PTPN13: variants seen among roughly 807,000 people sequenced by gnomAD.
The protein encoded by PTPN13 is protein tyrosine phosphatase non-receptor type 13, also known as tyrosine-protein phosphatase non-receptor type 13.
A neutral mutation model predicts 284.0 loss-of-function variants in PTPN13; 191 were observed. That is an observed-to-expected ratio of 0.67 (90% CI 0.60 to 0.76). PTPN13 has a LOEUF of 0.76. Ranked by LOEUF, PTPN13 falls within the 30% of genes least tolerant of loss-of-function variation. PTPN13 has a pLI of 0.00. For missense variants in PTPN13, 2,797 were observed against 2,939.9 expected (o/e 0.95, Z 1.12); for synonymous variants, 986 against 1,022.3 (o/e 0.96, Z 0.68).
intron 5 of PTPN13, among the ~76,000 whole-genome samples, chr4:86,692,772 G>A (rs144188483): frequency 7.9e-5 from 12 of 152,150 alleles, no homozygotes; most frequent in Admixed American, 3.3e-4. Flanking sequence ...CCCTCAGAGC[G>A]TCCATTTAAA....
At chr4:86,718,325 ACT>A (rs1462639163) in intron 9 of PTPN13, among the ~76,000 whole-genome samples, 1 of 152,170 alleles carries the variant, frequency 6.6e-6, no homozygotes, top group Non-Finnish European at 1.5e-5. Flanking sequence ...TCTGCCAGAC[ACT>A]GTTTCACACC....
chr4:86,791,590 T>C (rs10024631), intron 40 of PTPN13, among the ~76,000 whole-genome samples: 15,123 of 152,152 alleles, frequency 0.099, 865 homozygotes, highest in Non-Finnish European at 0.11. Context: ...CTGGGAGACA[T>C]CTCCCAGGAG....
intron 6 of PTPN13, among the ~76,000 whole-genome samples, chr4:86,695,322 A>G (rs1227727753): frequency 6.6e-6 from 1 of 152,038 alleles, no homozygotes; most frequent in East Asian, 1.9e-4. Context: ...TTTCTTGCAA[A>G]TATTTCCTTC....
chr4:86,638,775 G>T (rs943462898), intron 2 of PTPN13, among the ~76,000 whole-genome samples: 1 of 152,068 alleles, frequency 6.6e-6, no homozygotes, highest in African/African-American at 2.4e-5. Flanking sequence ...CATGGGCAAG[G>T]ACTTCATGTC....
intron 6 of PTPN13, among the ~76,000 whole-genome samples, chr4:86,699,057 A>G (rs1289654921): frequency 1.3e-5 from 2 of 152,130 alleles, no homozygotes; most frequent in Admixed American, 1.3e-4. Flanking sequence ...TTGGCCTTCA[A>G]CTGGCAGGAA....
At chr4:86,762,599 A>G (rs2149248052) in intron 23 of PTPN13, 128 bp from the exon 24 acceptor site, 1 of 725,202 alleles carries the variant, frequency 1.4e-6, no homozygotes, top group Non-Finnish European at 2.3e-6. Flanking sequence ...TACCAAACAC[A>G]TGACCTAATG....
intron 42 of PTPN13, among the ~76,000 whole-genome samples, chr4:86,801,631 T>C (rs1438779096): frequency 6.6e-6 from 1 of 152,214 alleles, no homozygotes; most frequent in Non-Finnish European, 1.5e-5. Context: ...TCTCTACTAG[T>C]GCCAGGGTGA....
intron 2 of PTPN13, among the ~76,000 whole-genome samples, chr4:86,663,669 A>G (rs1330024415): frequency 2.0e-5 from 3 of 152,336 alleles, no homozygotes; most frequent in South Asian, 4.1e-4. Context: ...TGTCAGTGGC[A>G]GTCTCAAATT....
chr4:86,742,213 T>C (rs1736242575), intron 16 of PTPN13, among the ~76,000 whole-genome samples: 1 of 152,188 alleles, frequency 6.6e-6, no homozygotes, highest in Non-Finnish European at 1.5e-5. Flanking sequence ...AACCCCCTCG[T>C]AGCAACTGTT....
chr4:86,730,619 C>T lies in PTPN13; in HGVS notation c.1609-1781C>T, dbSNP rs572565233. The stretch of plus-strand genomic sequence containing the variant: ...GGTGTGGGACCTGCTGAGCCAGGAA[C>T]GGGAGAAAATCTGGTCTGCCACTTG... On this transcript the variant is annotated intron_variant, in intron 10 of 47. Coordinates refer to ENST00000411767, the MANE Select transcript of PTPN13 (RefSeq NM_080683.3). 4.7e-5 allele frequency among the ~76,000 whole-genome samples: 7 copies of T among 149,896 alleles called. 1 individual carries two copies. Among genetic ancestry groups the T allele is most frequent in the African/African-American group, 1.2e-4 (5 of 41,196 alleles).
Position 86,701,322 on chromosome 4 carries a change from A to T in PTPN13, c.716A>T (p.Lys239Ile). ...ACCTTTCTTAACAAAGGGCTTAGTA[A>T]ATCTATGGGATTTCTGTCCATCAAA... is the stretch of plus-strand genomic sequence containing the variant. ...HQTFLNKGLS[K>I]SMGFLSIKDT... The change falls in exon 7 of 48, where the codon AAA becomes ATA. Residue 239 changes from lysine to isoleucine, a missense_variant. Transcript: ENST00000411767. The T allele has an allele frequency of 6.2e-7, 1 of 1,612,742 alleles. No homozygotes were observed. Among genetic ancestry groups the T allele is most frequent in the Non-Finnish European group, 8.5e-7 (1 of 1,179,090 alleles).
At chr4:86,767,315 G>A (rs1268450154) in intron 27 of PTPN13, among the ~76,000 whole-genome samples, 1 of 150,592 alleles carries the variant, frequency 6.6e-6, no homozygotes, top group African/African-American at 2.5e-5. Context: ...GCATGACCTC[G>A]GCTCATTGCA....
intron 10 of PTPN13, among the ~76,000 whole-genome samples, chr4:86,730,099 T>C (rs1734763170): frequency 6.7e-6 from 1 of 149,746 alleles, no homozygotes; most frequent in African/African-American, 2.4e-5. Context: ...TGCAGGTCTG[T>C]TGGAGTTTGC....
chr4:86,772,007 C>T (rs552800961), intron 31 of PTPN13, among the ~76,000 whole-genome samples: 1 of 152,290 alleles, frequency 6.6e-6, no homozygotes, highest in South Asian at 2.1e-4. Flanking sequence ...ATTATTCATA[C>T]ATTTTACTCT....
chr4:86,711,939 T>C (rs547489145), intron 7 of PTPN13, among the ~76,000 whole-genome samples: 4 of 152,260 alleles, frequency 2.6e-5, no homozygotes, highest in African/African-American at 9.6e-5. Context: ...TTCAGAAAAC[T>C]TTGTAATATT....
rs1737332534 is a variant in PTPN13 at position 86,751,083 on chromosome 4, A to C, written c.3125A>C (p.Asp1042Ala). Residue 1042 changes from aspartate (D) to alanine (A), a missense_variant, in exon 19 of 48, where the codon GAC becomes GCC. Coordinates refer to ENST00000411767, the MANE Select transcript of PTPN13 (RefSeq NM_080683.3). Reference sequence around the variant, plus strand: ...CCTGAAAGGAGGAAACATGAATCAGACTCCTCATCCATTGAAGACCCTGGG... The same window carrying C: ...CCTGAAAGGAGGAAACATGAATCAGCCTCCTCATCCATTGAAGACCCTGGG... ...RSPERRKHES[D>A]SSSIEDPGQA... The C allele has an allele frequency of 2.5e-6, 4 of 1,609,444 alleles. No individual in the cohort carries two copies. In the Middle Eastern group the frequency reaches 4.9e-4, roughly 199 times the overall value.
chr4:86,636,360 T>C (rs1201183256), intron 2 of PTPN13, among the ~76,000 whole-genome samples: 1 of 151,832 alleles, frequency 6.6e-6, no homozygotes, highest in Non-Finnish European at 1.5e-5. Flanking sequence ...TTTGATATCA[T>C]GCCAGAAGTT....
intron 2 of PTPN13, chr4:86,661,018 T>C: frequency 2.4e-6 from 1 of 411,926 alleles, no homozygotes; most frequent in Non-Finnish European, 4.7e-6. Flanking sequence ...AGGTATAACA[T>C]ATATTGCAAA....
intron 3 of PTPN13, among the ~76,000 whole-genome samples, chr4:86,678,553 A>G (rs947633721): frequency 7.2e-5 from 11 of 152,214 alleles, no homozygotes; most frequent in Admixed American, 6.5e-4. Context: ...AAAGCTACTT[A>G]TTAGATATCT....
Sources: allele counts gnomAD v4.1 joint callset (sites outside exome capture counted in the v4.1 genomes callset), GRCh38; gene constraint gnomAD v4.1.1; transcripts MANE v1.5; gene names NCBI Gene and HGNC (gene_info 2026-07-23, HGNC 2026-07-21).